PABPC4L: variants seen among roughly 807,000 people sequenced by gnomAD.
The protein encoded by PABPC4L is poly(A) binding protein cytoplasmic 4 like, also known as polyadenylate-binding protein 4-like.
For synonymous variants in PABPC4L, 169 were observed against 164.1 expected, an observed-to-expected ratio of 1.03 and a Z score of -0.23; for missense variants, 452 against 451.4, an observed-to-expected ratio of 1.00 and a Z score of -0.01.
chr4:133,962,375 C>A, the PABPC4L span, among the ~76,000 whole-genome samples: 1 of 151,982 alleles, frequency 6.6e-6, no homozygotes, highest in Non-Finnish European at 1.5e-5. Flanking sequence ...GCAAGCAAAT[C>A]CAAAAAACAA....
chr4:134,129,453 A>G, the PABPC4L span, among the ~76,000 whole-genome samples: 1 of 152,102 alleles, frequency 6.6e-6, no homozygotes, highest in African/African-American at 2.4e-5. Flanking sequence ...AATTTATGAA[A>G]GTCAAAATTA....
chr4:134,028,512 G>A, the PABPC4L span, among the ~76,000 whole-genome samples: 2 of 151,590 alleles, frequency 1.3e-5, no homozygotes, highest in Non-Finnish European at 2.9e-5. Flanking sequence ...CTTTTTCATG[G>A]GAATCCTAGC....
chr4:133,962,341 C>T, the PABPC4L span, among the ~76,000 whole-genome samples: 3 of 152,062 alleles, frequency 2.0e-5, no homozygotes, highest in Non-Finnish European at 2.9e-5. Flanking sequence ...ATCAGGGAGA[C>T]GCCAGAGAAA....
chr4:134,140,438 A>G, the PABPC4L span, among the ~76,000 whole-genome samples: 4 of 151,980 alleles, frequency 2.6e-5, no homozygotes, highest in African/African-American at 9.6e-5. Flanking sequence ...TTTTAAATGA[A>G]TTTCTCATCA....
the PABPC4L span, among the ~76,000 whole-genome samples, chr4:133,990,659 G>A: frequency 4.6e-5 from 7 of 152,160 alleles, no homozygotes. Flanking sequence ...AGCCAAAGAT[G>A]ATTGCATTTA....
the PABPC4L span, among the ~76,000 whole-genome samples, chr4:134,172,397 A>G: frequency 6.6e-6 from 1 of 152,142 alleles, no homozygotes; most frequent in Non-Finnish European, 1.5e-5. Flanking sequence ...GACAAAGTTG[A>G]CCAACTAGCA....
At chr4:134,066,395 A>G in the PABPC4L span, among the ~76,000 whole-genome samples, 2 of 152,092 alleles carry the variant, frequency 1.3e-5, no homozygotes, top group Admixed American at 6.6e-5. Context: ...TTGATTTTGC[A>G]TCCTGAAATG....
chr4:133,960,418 G>A, the PABPC4L span, among the ~76,000 whole-genome samples: 1 of 152,200 alleles, frequency 6.6e-6, no homozygotes, highest in African/African-American at 2.4e-5. Flanking sequence ...AAGACCCTGG[G>A]AGCTTGCTGG....
the PABPC4L span, among the ~76,000 whole-genome samples, chr4:133,969,665 T>C: frequency 6.6e-6 from 1 of 152,294 alleles, no homozygotes; most frequent in Non-Finnish European, 1.5e-5. Flanking sequence ...ACACATGGCA[T>C]GTGGGGTGGG....
the PABPC4L span, among the ~76,000 whole-genome samples, chr4:134,063,918 T>C: frequency 6.6e-6 from 1 of 152,024 alleles, no homozygotes; most frequent in East Asian, 1.9e-4. Flanking sequence ...TGTAATATGG[T>C]CTCAATGCTG....
chr4:134,096,191 G>T, the PABPC4L span, among the ~76,000 whole-genome samples: 1 of 151,944 alleles, frequency 6.6e-6, no homozygotes, highest in Admixed American at 6.6e-5. Flanking sequence ...GGGTTGCAAA[G>T]AAAATGGAAT....
At chr4:134,042,109 A>G in the PABPC4L span, among the ~76,000 whole-genome samples, 1 of 152,234 alleles carries the variant, frequency 6.6e-6, no homozygotes, top group African/African-American at 2.4e-5. Flanking sequence ...GTCATAAGAA[A>G]GAATGAGCTA....
At chr4:134,143,247 C>G in the PABPC4L span, among the ~76,000 whole-genome samples, 1 of 149,832 alleles carries the variant, frequency 6.7e-6, no homozygotes, top group Non-Finnish European at 1.5e-5. Flanking sequence ...AGATATATAT[C>G]TTAATAATAT....
chr4:134,151,155 A>T, the PABPC4L span, among the ~76,000 whole-genome samples: 1 of 152,150 alleles, frequency 6.6e-6, no homozygotes, highest in Non-Finnish European at 1.5e-5. Context: ...CGGAAGGGAA[A>T]TAAAATAAAT....
the PABPC4L span, among the ~76,000 whole-genome samples, chr4:134,050,880 ATTTTTTT>A: frequency 9.6e-5 from 13 of 134,732 alleles, no homozygotes; most frequent in Admixed American, 1.5e-4. Flanking sequence ...ATTGACCTTT[ATTTTTTT>A]TTTTTTTTTT....
the PABPC4L span, among the ~76,000 whole-genome samples, chr4:134,056,825 A>C: frequency 2.6e-5 from 4 of 151,984 alleles, no homozygotes; most frequent in Non-Finnish European, 5.9e-5. Context: ...TACATCATTT[A>C]TAATAAGGAC....
At chr4:133,974,767 A>G in the PABPC4L span, among the ~76,000 whole-genome samples, 6 of 152,132 alleles carry the variant, frequency 3.9e-5, no homozygotes, top group African/African-American at 1.4e-4. Flanking sequence ...ACATGCAAAT[A>G]TGCTTAAGAA....
chr4:133,952,033 G>C, the PABPC4L span, among the ~76,000 whole-genome samples: 1 of 152,034 alleles, frequency 6.6e-6, no homozygotes, highest in Non-Finnish European at 1.5e-5. Context: ...ATTTGTTTTT[G>C]GAGGCTCACA....
At chr4:134,060,843 C>T in the PABPC4L span, among the ~76,000 whole-genome samples, 3 of 152,066 alleles carry the variant, frequency 2.0e-5, no homozygotes, top group African/African-American at 7.2e-5. Flanking sequence ...TGCATGTTTT[C>T]ACTTATTTGT....
Sources: gnomAD v4.1 joint callset for allele counts (sites outside exome capture counted in the v4.1 genomes callset) on GRCh38, gnomAD v4.1.1 for gene constraint, MANE v1.5 for transcripts, NCBI Gene and HGNC (gene_info 2026-07-23, HGNC 2026-07-21) for gene names.